The following RASGEF1C variants were observed in gnomAD, a reference collection of about 807,000 sequenced individuals.
RASGEF1C encodes RasGEF domain family member 1C.
RASGEF1C carries 27 observed loss-of-function variants against 58.1 expected under a neutral mutation model. The ratio of observed to expected loss-of-function variants is 0.46; its 90% CI spans 0.34 to 0.64. The LOEUF is 0.64. Among genes scored for constraint, RASGEF1C ranks in the 30% least tolerant of loss-of-function variants. The pLI, the probability that RASGEF1C is intolerant of heterozygous loss-of-function variation, is 0.01. For missense variants in RASGEF1C, 502 were observed against 605.1 expected (o/e 0.83, Z 1.79); for synonymous variants, 243 against 246.3 (o/e 0.99, Z 0.13).
intron 1 of RASGEF1C, among the ~76,000 whole-genome samples, chr5:180,153,123 AG>A (rs1766791154): frequency 6.6e-6 from 1 of 152,230 alleles, no homozygotes; most frequent in African/African-American, 2.4e-5. Context: ...GAACAATTAA[AG>A]GGGAGGTAGT....
intron 3 of RASGEF1C, 178 bp from the exon 4 acceptor site, chr5:180,136,693 C>T (rs373081809): frequency 2.4e-5 from 15 of 634,252 alleles, no homozygotes; most frequent in Admixed American, 3.1e-5. Context: ...GGAGGGGGGA[C>T]GGACACATTT....
chr5:180,200,390 A>G (rs78227561), intron 1 of RASGEF1C, among the ~76,000 whole-genome samples: 12,602 of 123,544 alleles, frequency 0.1, 1,275 homozygotes, highest in Non-Finnish European at 0.16. Context: ...GCTCACTGCA[A>G]GCTCCGCCTC....
rs144013368 is a variant in RASGEF1C at position 180,118,593 on chromosome 5, C to T, written c.1083+16G>A. 3.5e-5 allele frequency: 56 copies of T among 1,591,166 alleles called. 1 individual carries two copies. Among genetic ancestry groups the T allele is most frequent in the Admixed American group, 2.6e-4 (15 of 57,368 alleles). The stretch of plus-strand genomic sequence containing the variant: ...CCCTGCTGCAGCCCCCCTGGGCCAA[C>T]GTGGCCCCGACCTACCTTCTCTCGG... On this transcript the variant is annotated intron_variant, in intron 10 of 13. Coordinates refer to ENST00000361132, the MANE Select transcript of RASGEF1C (RefSeq NM_175062.4).
intron 1 of RASGEF1C, among the ~76,000 whole-genome samples, chr5:180,173,850 T>C (rs1222049176): frequency 1.3e-5 from 2 of 151,146 alleles, no homozygotes; most frequent in African/African-American, 4.9e-5. Context: ...GAGGCGGAGT[T>C]TGCAGTGAGC....
At chr5:180,115,806 C>T (rs1040320132) in intron 10 of RASGEF1C, among the ~76,000 whole-genome samples, 1 of 152,062 alleles carries the variant, frequency 6.6e-6, no homozygotes, top group African/African-American at 2.4e-5. Flanking sequence ...GGGCTGAGTC[C>T]CAGGTGGCTC....
rs565688946 is a variant in RASGEF1C, at chr5:180,103,312, T to C, written c.1304-1169A>G. On this transcript the variant is annotated intron_variant, in intron 12 of 13. Transcript: ENST00000361132. ...CAGGATGGTCTCGATCTCCTGACCT[T>C]GTGATCCGCCCGCCTCGGCCTCCCA... 2.8e-3 allele frequency among the ~76,000 whole-genome samples: 429 copies of C among 152,232 alleles called. 3 individuals carry two copies. The highest frequency in any genetic ancestry group is 0.013 in the South Asian group (63 of 4,820).
Position 180,137,605 on chromosome 5 carries a change from C to CT in RASGEF1C, c.284dup (p.Pro96AlafsTer40). On this transcript the variant is annotated frameshift_variant, in exon 3 of 14. Transcript: ENST00000361132. LOFTEE classifies it high-confidence loss of function. This position sits in a 1 kb window ranked among gnomAD's most constrained non-coding sequence, Gnocchi z 4.1. ...TCCGCCTCACCTTGTCCAGCACCGGCTTGTCCAGCTGCTGCTGCTCGATGC... is the reference window on the plus strand; with the variant it reads ...TCCGCCTCACCTTGTCCAGCACCGGCTTTGTCCAGCTGCTGCTGCTCGATGC... 1 of 1,607,834 alleles carries CT rather than the reference C, an allele frequency of 6.2e-7. No individual in the cohort carries two copies. The highest frequency in any genetic ancestry group is 1.7e-5 in the Admixed American group (1 of 59,284).
rs1305280196 is a variant in RASGEF1C, at chr5:180,127,619, G to C, written c.704C>G (p.Ala235Gly). Residue 235 changes from alanine (A) to glycine (G), a missense_variant, in exon 6 of 14, where the codon GCC (alanine) becomes GGC (glycine). Coordinates refer to ENST00000361132, the MANE Select transcript of RASGEF1C (RefSeq NM_175062.4). ...VQAFVNKDPLASTKPCFSDKT... is the reference protein window; with the variant it reads ...VQAFVNKDPLGSTKPCFSDKT... Reference sequence around the variant, plus strand: ...GTAAGAGCCTCCTACCTTTGTGCTGGCCAGAGGGTCCTTGTTCACAAAGGC... The same window carrying C: ...GTAAGAGCCTCCTACCTTTGTGCTGCCCAGAGGGTCCTTGTTCACAAAGGC... 1.9e-6 allele frequency: 3 copies of C among 1,612,554 alleles called. No individual in the cohort carries two copies. The highest frequency in any genetic ancestry group is 2.5e-6 in the Non-Finnish European group (3 of 1,179,510).
At chr5:180,195,428 T>C (rs546632589) in intron 1 of RASGEF1C, among the ~76,000 whole-genome samples, 1 of 152,212 alleles carries the variant, frequency 6.6e-6, no homozygotes, top group African/African-American at 2.4e-5. Flanking sequence ...CTATGTAACA[T>C]TTGCTACATG....
intron 1 of RASGEF1C, among the ~76,000 whole-genome samples, chr5:180,203,355 C>A (rs1756429122): frequency 6.6e-6 from 1 of 152,212 alleles, no homozygotes; most frequent in Non-Finnish European, 1.5e-5. Flanking sequence ...AGCAGTCATG[C>A]TGGGGAAGCC....
intron 11 of RASGEF1C, among the ~76,000 whole-genome samples, chr5:180,112,211 T>C (rs2113241840): frequency 6.6e-6 from 1 of 152,326 alleles, no homozygotes; most frequent in East Asian, 1.9e-4. Context: ...CCCAGTTCCC[T>C]GGGCCCCTGC....
chr5:180,147,066 A>G (rs900599743), intron 1 of RASGEF1C, among the ~76,000 whole-genome samples: 2 of 151,880 alleles, frequency 1.3e-5, no homozygotes, highest in African/African-American at 4.8e-5. Flanking sequence ...AGAAATTCCA[A>G]TTTGTTCAAA....
At chr5:180,102,483 G>T (rs1459529738) in intron 12 of RASGEF1C, among the ~76,000 whole-genome samples, 3 of 152,126 alleles carry the variant, frequency 2.0e-5, no homozygotes, top group Non-Finnish European at 2.9e-5. Context: ...TATTCTGAGG[G>T]TTATCTCTTG....
chr5:180,125,600 T>C (rs1026247220), intron 6 of RASGEF1C, among the ~76,000 whole-genome samples: 1 of 152,084 alleles, frequency 6.6e-6, no homozygotes, highest in Non-Finnish European at 1.5e-5. Flanking sequence ...CTGACCAACA[T>C]GGAGAACCCT....
rs1383151714 is a variant in RASGEF1C, at chr5:180,101,338, C to G, written c.*163G>C. On this transcript the variant is annotated 3_prime_UTR_variant, in exon 14 of 14. Transcript: ENST00000361132. ...AGTCCCATAAAAGGTCTCCTGTGCC[C>G]GTATGGCCACTGTGGGGGGGGGGGG... 2.6e-6 allele frequency: 2 copies of G among 766,624 alleles called. No individual in the cohort carries two copies. Among genetic ancestry groups the G allele is most frequent in the Non-Finnish European group, 4.1e-6 (2 of 490,862 alleles). The allele number at this position is 766,624 out of a possible 1,614,324, so 47.5% of individuals were successfully genotyped here. A position where few individuals can be genotyped will look rare whatever the true frequency, so the allele number is the denominator to read the frequency against.
chr5:180,154,187 C>A (rs1766815666), intron 1 of RASGEF1C, among the ~76,000 whole-genome samples: 1 of 152,186 alleles, frequency 6.6e-6, no homozygotes, highest in African/African-American at 2.4e-5. Context: ...GGGCAGGTGT[C>A]TGGAGCCTCA....
intron 1 of RASGEF1C, among the ~76,000 whole-genome samples, chr5:180,188,422 T>C (rs73813828): frequency 0.025 from 3,741 of 152,286 alleles, 176 homozygotes; most frequent in African/African-American, 0.085. Flanking sequence ...ACAGAACCTT[T>C]GCAATTTATC....
intron 1 of RASGEF1C, among the ~76,000 whole-genome samples, chr5:180,144,833 T>C (rs965670309): frequency 2.6e-5 from 4 of 152,094 alleles, no homozygotes; most frequent in African/African-American, 9.7e-5. Context: ...CCCCAGCCCC[T>C]GGTAACCACA....
intron 1 of RASGEF1C, among the ~76,000 whole-genome samples, chr5:180,139,272 A>G (rs1766537286): frequency 6.6e-6 from 1 of 152,222 alleles, no homozygotes; most frequent in Non-Finnish European, 1.5e-5. Flanking sequence ...CTGTTTAGAC[A>G]GCCCCTACAT....
Sources: allele counts gnomAD v4.1 joint callset (sites outside exome capture counted in the v4.1 genomes callset), GRCh38; gene constraint gnomAD v4.1.1; non-coding constraint Gnocchi (gnomAD v3.1); transcripts MANE v1.5; gene names NCBI Gene and HGNC (gene_info 2026-07-23, HGNC 2026-07-21).